Variants in THBS2 observed in about 807,000 individuals in gnomAD.
THBS2 encodes thrombospondin-2.
Under a neutral mutation model 135.2 loss-of-function variants are expected in THBS2, and 47 were observed. The observed-to-expected ratio is 0.35, with a 90% confidence interval of 0.28 to 0.44. The LOEUF (loss-of-function observed/expected upper bound fraction) is 0.44. Among genes scored for constraint, THBS2 ranks in the 20% least tolerant of loss-of-function variants. The pLI is 1.00. For synonymous variants in THBS2, 639 were observed against 633.8 expected (o/e 1.01, Z -0.12); for missense variants, 1,288 against 1,603.1 (o/e 0.80, Z 3.36).
Position 169,220,161 on chromosome 6 carries a change from C to T in THBS2, c.3511+37G>A, listed in dbSNP as rs754097533. 1.9e-6 allele frequency: 3 copies of T among 1,600,834 alleles called. No individual in the cohort carries two copies. In the South Asian group the frequency reaches 3.4e-5, roughly 18 times the overall value. Reference sequence around the variant, plus strand: ...TACCCCTTTCCCTTTCTGGGTGCCACATGCCTTCCCCACTAACCTGAAGTG... The same window carrying T: ...TACCCCTTTCCCTTTCTGGGTGCCATATGCCTTCCCCACTAACCTGAAGTG... On this transcript the variant is annotated intron_variant, in intron 21 of 21. Transcript: ENST00000617924.
intron 7 of THBS2, among the ~76,000 whole-genome samples, chr6:169,238,434 A>C (rs892083130): frequency 1.3e-5 from 2 of 152,204 alleles, no homozygotes; most frequent in Non-Finnish European, 2.9e-5. Context: ...GAAAGCAGGG[A>C]AATGAAAGAA....
In THBS2 at chr6:169,226,247, C is replaced by G; in HGVS notation, c.2471G>C (p.Arg824Thr). 1 of 1,614,176 alleles carries G rather than the reference C, an allele frequency of 6.2e-7. No homozygotes were observed. The highest frequency in any genetic ancestry group is 8.5e-7 in the Non-Finnish European group (1 of 1,180,020). Residue 824 changes from arginine to threonine, a missense_variant, in exon 16 of 22, where the codon AGG (arginine) becomes ACG (threonine). Physicochemically the swap from Arg to Thr is moderately conservative, Grantham distance 71. Coordinates refer to ENST00000617924, the MANE Select transcript of THBS2 (RefSeq NM_003247.5). ...CCCCACACCGTCACCATCCGTGTCCCTCTGGTCAGTGTTGTAGACGTAGGG... is the reference window on the plus strand; with the variant it reads ...CCCCACACCGTCACCATCCGTGTCCGTCTGGTCAGTGTTGTAGACGTAGGG... ...NCPYVYNTDQ[R>T]DTDGDGVGDH...
Position 169,237,737 on chromosome 6 carries a change from C to T in THBS2, c.1188G>A (p.Thr396=), listed in dbSNP as rs773638746. The change falls in exon 8 of 22, where the codon ACG becomes ACA. Residue 396 remains threonine, a synonymous_variant. Transcript: ENST00000617924. The part of the protein sequence containing the change: ...PWAEWTQCSV[T]CGSGTQQRGR... ...CTCTCTGCTGGGTCCCAGAGCCACA[C>T]GTCACGGAGCACTGGGTCCACTCTG... is the stretch of plus-strand genomic sequence containing the variant. The T allele has an allele frequency of 7.4e-6, 12 of 1,612,348 alleles. No homozygotes were observed. The highest frequency in any genetic ancestry group is 1.6e-4 in the Middle Eastern group (1 of 6,074).
chr6:169,253,081 C>T (rs554348568), intron 1 of THBS2, among the ~76,000 whole-genome samples: 8 of 152,258 alleles, frequency 5.3e-5, no homozygotes, highest in South Asian at 2.1e-4. Flanking sequence ...CTGTGTGTCC[C>T]GGCAGTCACA....
chr6:169,226,582 G>A (rs575093416), intron 15 of THBS2, among the ~76,000 whole-genome samples: 31 of 152,220 alleles, frequency 2.0e-4, no homozygotes, highest in South Asian at 1.7e-3. Flanking sequence ...ATGTGCTGTC[G>A]CCGTGTAAAT....
chr6:169,224,759 C>G (rs1410314182), intron 17 of THBS2, among the ~76,000 whole-genome samples: 1 of 152,228 alleles, frequency 6.6e-6, no homozygotes, highest in Non-Finnish European at 1.5e-5. Flanking sequence ...CTTTTGTTGG[C>G]TTTGCTTTCA....
Position 169,217,275 on chromosome 6 carries a change from TCTCTC to T in THBS2, c.*542_*546del, listed in dbSNP as rs1779208709. On this transcript the variant is annotated 3_prime_UTR_variant, in exon 22 of 22. Coordinates refer to ENST00000617924, the MANE Select transcript of THBS2 (RefSeq NM_003247.5). Reference sequence around the variant, plus strand: ...ATTTGCTATGCCTGTTGTCTTCTAATCTCTCCTTACTAAAACATTACTTCAAATTT... The same window carrying T: ...ATTTGCTATGCCTGTTGTCTTCTAATCTTACTAAAACATTACTTCAAATTT... 1 of 152,600 alleles carries T rather than the reference TCTCTC, an allele frequency of 6.6e-6. No homozygotes were observed. Among genetic ancestry groups the T allele is most frequent in the Admixed American group, 6.5e-5 (1 of 15,314 alleles). The allele number at this position is 152,600 out of a possible 1,614,324, so 9.5% of individuals were successfully genotyped here.
intron 1 of THBS2, 116 bp from the exon 2 acceptor site, chr6:169,250,922 A>C: frequency 1.8e-6 from 1 of 567,920 alleles, no homozygotes. Flanking sequence ...TATAAAACTC[A>C]GCACCAACTG....
intron 1 of THBS2, among the ~76,000 whole-genome samples, chr6:169,251,808 C>T (rs1383337411): frequency 8.3e-6 from 1 of 120,142 alleles, no homozygotes; most frequent in Non-Finnish European, 1.7e-5. Context: ...ACCTGCAGAC[C>T]CCCCACCCAT....
At chr6:169,233,221 C>T (rs1269962433) in intron 10 of THBS2, among the ~76,000 whole-genome samples, 2 of 152,088 alleles carry the variant, frequency 1.3e-5, no homozygotes, top group Admixed American at 1.3e-4. Flanking sequence ...CAGCGGGTTG[C>T]AGAAGCACGT....
chr6:169,240,471 C>T lies in THBS2; in HGVS notation c.1013G>A (p.Cys338Tyr), dbSNP rs1197893605. ...CCTCACCTTGCAGGTACACGTGGTG[C>T]AGCTGTCCACCACCCACGTTTCATT... ...AENETWVVDS[C>Y]TTCTCKKFKT... is the part of the protein sequence containing the mutation. The change falls in exon 6 of 22, where the codon TGC becomes TAC. Residue 338 changes from cysteine to tyrosine, a missense_variant. Transcript: ENST00000617924. 4.3e-6 allele frequency: 7 copies of T among 1,613,708 alleles called. No homozygotes were observed. Among genetic ancestry groups the T allele is most frequent in the Non-Finnish European group, 5.9e-6 (7 of 1,179,980 alleles).
chr6:169,234,254 A>G (rs1248143159), intron 10 of THBS2, among the ~76,000 whole-genome samples: 1 of 150,318 alleles, frequency 6.7e-6, no homozygotes, highest in Non-Finnish European at 1.5e-5. Context: ...ACCATGTTCC[A>G]TACCACACAA....
chr6:169,230,964 T>C (rs1439782341), intron 13 of THBS2, among the ~76,000 whole-genome samples: 1 of 152,248 alleles, frequency 6.6e-6, no homozygotes, highest in East Asian at 1.9e-4. Context: ...CAAATGATAT[T>C]TTGTGTCAGT....
In THBS2 at chr6:169,223,763, A is replaced by G. The variant is rs80149183; in HGVS notation, c.2774-288T>C. Among the ~76,000 whole-genome samples, 1,012 of 152,328 alleles carry G rather than the reference A, an allele frequency of 6.6e-3. 11 individuals carry two copies. Among genetic ancestry groups the G allele is most frequent in the African/African-American group, 0.023 (963 of 41,580 alleles). ...CATTTCTCACCGTGTTCCAAACTCA[A>G]TGCTGCAGGTATAAAACCTGAATGG... is the stretch of plus-strand genomic sequence containing the variant. On this transcript the variant is annotated intron_variant, in intron 17 of 21. Transcript: ENST00000617924.
intron 21 of THBS2, 38 bp downstream of exon 21, chr6:169,220,160 A>C (rs766575186): frequency 2.4e-5 from 39 of 1,600,768 alleles, no homozygotes; most frequent in Non-Finnish European, 3.1e-5. Context: ...TCTGGGTGCC[A>C]CATGCCTTCC....
In THBS2 at chr6:169,242,977, C is replaced by G. The variant is rs111218242; in HGVS notation, c.695-1019G>C. On this transcript the variant is annotated intron_variant, in intron 4 of 21. Transcript: ENST00000617924. ...CCACCTTCCCACTGCTCCCACCTTC[C>G]CACCTTCCCACATTCGCACCTTCCC... Among the ~76,000 whole-genome samples the G allele has an allele frequency of 9.6e-4, 135 of 140,528 alleles. 1 individual carries two copies. The highest frequency in any genetic ancestry group is 1.6e-3 in the Non-Finnish European group (100 of 64,232). The allele number at this position is 140,528 out of a possible 152,430, so 92.2% of individuals were successfully genotyped here.
intron 20 of THBS2, 91 bp from the exon 21 acceptor site, chr6:169,220,428 A>C (rs1304149003): frequency 1.3e-6 from 2 of 1,496,124 alleles, no homozygotes; most frequent in Non-Finnish European, 1.8e-6. Flanking sequence ...GGCTCCGGAC[A>C]CAAGCTGTGG....
intron 20 of THBS2, among the ~76,000 whole-genome samples, chr6:169,220,781 G>A (rs1296768448): frequency 1.3e-5 from 2 of 152,146 alleles, no homozygotes; most frequent in Non-Finnish European, 2.9e-5. Context: ...GGAGGATGGG[G>A]CATCAATATG....
intron 4 of THBS2, among the ~76,000 whole-genome samples, chr6:169,244,819 C>G (rs537504854): frequency 6.6e-6 from 1 of 152,102 alleles, no homozygotes; most frequent in Non-Finnish European, 1.5e-5. Context: ...CAGTGAGGGT[C>G]GTGGTGGGGG....
Sources: allele counts gnomAD v4.1 joint callset (sites outside exome capture counted in the v4.1 genomes callset), GRCh38; gene constraint gnomAD v4.1.1; transcripts MANE v1.5; gene names NCBI Gene and HGNC (gene_info 2026-07-23, HGNC 2026-07-21).